CASZ1: variants seen among roughly 807,000 people sequenced by gnomAD.
CASZ1 encodes castor zinc finger 1, also known as zinc finger protein castor homolog 1.
CASZ1 carries 28 observed loss-of-function variants against 135.2 expected under a neutral mutation model. The ratio of observed to expected loss-of-function variants is 0.21; its 90% CI spans 0.15 to 0.28. CASZ1 has a LOEUF of 0.28. CASZ1 is among the 10% of genes least tolerant of loss of function. The pLI is 1.00. For missense variants in CASZ1, 2,161 were observed against 2,453.3 expected, an observed-to-expected ratio of 0.88 and a Z score of 2.52; for synonymous variants, 1,068 against 1,073.4, an observed-to-expected ratio of 0.99 and a Z score of 0.10.
chr1:10,672,203 T>TC (rs1292199385), intron 4 of CASZ1, among the ~76,000 whole-genome samples: 38 of 141,574 alleles, frequency 2.7e-4, no homozygotes, highest in African/African-American at 9.6e-4. Flanking sequence ...TTTAACCTTC[T>TC]CCCCCCTCCC....
Position 10,660,230 on chromosome 1 carries a change from CCCA to C in CASZ1, c.809_811del (p.Val270del). On this transcript the variant is annotated inframe_deletion, in exon 6 of 21. Coordinates refer to ENST00000377022, the MANE Select transcript of CASZ1 (RefSeq NM_001079843.3). ...GGGCAGCCGCAGGCCGGGCAGGGTG[CCCA>C]CCACCTCCTTGCCCACCCGCTCCTC... 6.2e-7 allele frequency: 1 copy of C among 1,612,914 alleles called. No individual in the cohort carries two copies. The highest frequency in any genetic ancestry group is 8.5e-7 in the Non-Finnish European group (1 of 1,179,772).
chr1:10,655,648 C>G lies in CASZ1; in HGVS notation c.1665+1G>C, dbSNP rs1313634737. 6.2e-7 allele frequency: 1 copy of G among 1,611,450 alleles called. No homozygotes were observed. The highest frequency in any genetic ancestry group is 1.3e-5 in the African/African-American group (1 of 74,880). ...CCAGTGGGCCCGGGTGCGGGAGGCA[C>G]CTGCATGCAGTGATAGTGGGTGCTC... On this transcript the variant is annotated splice_donor_variant, in intron 9 of 20. Coordinates refer to ENST00000377022, the MANE Select transcript of CASZ1 (RefSeq NM_001079843.3). LOFTEE classifies it high-confidence loss of function.
At chr1:10,654,629 C>G in intron 9 of CASZ1, 38 bp from the exon 10 acceptor site, 2 of 1,598,574 alleles carry the variant, frequency 1.3e-6, no homozygotes, top group Middle Eastern at 1.7e-4. Flanking sequence ...GAACGGAGGC[C>G]AGGTGCTCCT....
intron 1 of CASZ1, among the ~76,000 whole-genome samples, chr1:10,790,231 G>A (rs867503307): frequency 1.5e-4 from 23 of 152,216 alleles, no homozygotes; most frequent in African/African-American, 5.5e-4. Context: ...CCAACACGGG[G>A]TGCTGGCAAT....
intron 1 of CASZ1, among the ~76,000 whole-genome samples, chr1:10,793,169 T>A (rs780169625): frequency 6.6e-6 from 1 of 152,080 alleles, no homozygotes; most frequent in African/African-American, 2.4e-5. Flanking sequence ...CTGACTTTCT[T>A]ATTTTTTTAA....
intron 4 of CASZ1, among the ~76,000 whole-genome samples, chr1:10,668,252 AC>A (rs1361645014): frequency 6.6e-6 from 1 of 151,726 alleles, no homozygotes; most frequent in African/African-American, 2.4e-5. Context: ...TCCGCCCCCC[AC>A]CCCGCTGTGG....
intron 1 of CASZ1, among the ~76,000 whole-genome samples, chr1:10,786,577 C>T (rs578160206): frequency 4.9e-4 from 75 of 152,340 alleles, no homozygotes; most frequent in African/African-American, 1.5e-3. Context: ...GTGGTCCTAA[C>T]ATTTCACACG....
intron 4 of CASZ1, 113 bp from the exon 5 acceptor site, chr1:10,665,684 T>C (rs1370350066): frequency 2.4e-6 from 3 of 1,263,368 alleles, no homozygotes; most frequent in Non-Finnish European, 3.2e-6. Flanking sequence ...TTGACCACAG[T>C]GCCATCAAAC....
intron 7 of CASZ1, among the ~76,000 whole-genome samples, 182 bp from the exon 8 acceptor site, chr1:10,656,918 G>C (rs1023889868): frequency 7.9e-5 from 12 of 152,174 alleles, no homozygotes; most frequent in African/African-American, 2.7e-4. Context: ...GAGGCAAAGA[G>C]GCCTGGCCCC....
Position 10,666,135 on chromosome 1 carries a change from G to A in CASZ1, c.17-564C>T, listed in dbSNP as rs978840736. On this transcript the variant is annotated intron_variant, in intron 4 of 20. Coordinates refer to ENST00000377022, the MANE Select transcript of CASZ1 (RefSeq NM_001079843.3). The surrounding 1 kb of genome is among the most constrained non-coding windows in gnomAD (Gnocchi z 5.2). ...TCACTGTCCCGGCAGCACTTGGCTG[G>A]CACCCTCCCACCCGAGCACGTCAGC... Among the ~76,000 whole-genome samples, 10 of 152,070 alleles carry A rather than the reference G, an allele frequency of 6.6e-5. No individual in the cohort carries two copies. The highest frequency in any genetic ancestry group is 1.2e-4 in the Non-Finnish European group (8 of 67,998).
rs1640666366 is a variant in CASZ1, at chr1:10,776,668, C to T, written c.-233-15811G>A. 6.6e-6 allele frequency among the ~76,000 whole-genome samples: 1 copy of T among 152,192 alleles called. No homozygotes were observed. Among genetic ancestry groups the T allele is most frequent in the South Asian group, 2.1e-4 (1 of 4,822 alleles). The stretch of plus-strand genomic sequence containing the variant: ...CTGGGAGTCCTGGGGAAACTGGCAT[C>T]TCTGGTTTGACAGGTTGTGGGAGAG... On this transcript the variant is annotated intron_variant, in intron 1 of 20. Transcript: ENST00000377022. This position sits in a 1 kb window ranked among gnomAD's most constrained non-coding sequence, Gnocchi z 4.1.
rs1207099268 is a variant in CASZ1, at chr1:10,694,175, G to A, written c.-23-263C>T. On this transcript the variant is annotated intron_variant, in intron 3 of 20. Coordinates refer to ENST00000377022, the MANE Select transcript of CASZ1 (RefSeq NM_001079843.3). The surrounding 1 kb of genome is among the most constrained non-coding windows in gnomAD (Gnocchi z 6.6). The stretch of plus-strand genomic sequence containing the variant: ...TCGGCCGGCGCGGCCCCGGCTTGGG[G>A]GCCCTGGCCGGGGGATCCGCGAGGC... 2.3e-5 allele frequency: 7 copies of A among 298,342 alleles called. No individual in the cohort carries two copies. The highest frequency in any genetic ancestry group is 3.7e-5 in the Non-Finnish European group (7 of 191,268). The allele number at this position is 298,342 out of a possible 1,614,324, so 18.5% of individuals were successfully genotyped here.
intron 1 of CASZ1, among the ~76,000 whole-genome samples, chr1:10,761,471 TA>T (rs370980303): frequency 8.5e-5 from 13 of 152,056 alleles, no homozygotes; most frequent in African/African-American, 3.1e-4. Flanking sequence ...CTCAATTTCA[TA>T]AAAAGAAAAG....
intron 2 of CASZ1, among the ~76,000 whole-genome samples, chr1:10,732,123 G>C (rs959653812): frequency 6.6e-6 from 1 of 151,752 alleles, no homozygotes; most frequent in African/African-American, 2.4e-5. Flanking sequence ...TCAGGAGTTC[G>C]AGACCAGCCT....
intron 1 of CASZ1, among the ~76,000 whole-genome samples, chr1:10,769,976 A>G (rs1369731893): frequency 6.6e-6 from 1 of 152,224 alleles, no homozygotes; most frequent in Non-Finnish European, 1.5e-5. Context: ...TAACTTATTC[A>G]AGGTGATACT....
chr1:10,639,692 G>A lies in CASZ1; in HGVS notation c.4530C>T (p.Gly1510=). Residue 1510 remains glycine (G), a synonymous_variant, in exon 21 of 21, where the codon GGC becomes GGT. Coordinates refer to ENST00000377022, the MANE Select transcript of CASZ1 (RefSeq NM_001079843.3). The surrounding 1 kb of genome is among the most constrained non-coding windows in gnomAD (Gnocchi z 4.0). ...GCAGGCAGTGGAAGTGCGTGCTGGT[G>A]CCCGAGAAGGGGCAGTCGGCGAAGT... The part of the protein sequence containing the change: ...SCHFADCPFS[G]TSTHFHCLRC... 6.3e-7 allele frequency: 1 copy of A among 1,597,452 alleles called. No individual in the cohort carries two copies. Among genetic ancestry groups the A allele is most frequent in the Non-Finnish European group, 8.5e-7 (1 of 1,173,480 alleles).
chr1:10,715,752 G>A (rs1183809417), intron 2 of CASZ1, among the ~76,000 whole-genome samples: 1 of 109,756 alleles, frequency 9.1e-6, no homozygotes. Flanking sequence ...GCTCCCCACA[G>A]CACCCAATCC....
At chr1:10,796,459 G>C (rs2387418) in intron 1 of CASZ1, 105 bp downstream of exon 1, 34 of 127,724 alleles carry the variant, frequency 2.7e-4, no homozygotes, top group African/African-American at 8.7e-4. Context: ...CCGGGGGTGG[G>C]GGGGGTGCAC....
At position 10,711,335 on chromosome 1, in the gene CASZ1, A is replaced by G. The variant is rs1008346846; in HGVS notation, c.-76-5791T>C. ...ATTCAGTATTTCTTGGGCACCTACT[A>G]CATGCTATTAGATCCTTGTCCTAGA... On this transcript the variant is annotated intron_variant, in intron 2 of 20. Coordinates refer to ENST00000377022, the MANE Select transcript of CASZ1 (RefSeq NM_001079843.3). The surrounding 1 kb of genome is among the most constrained non-coding windows in gnomAD (Gnocchi z 4.4). 5.9e-5 allele frequency among the ~76,000 whole-genome samples: 9 copies of G among 152,188 alleles called. No individual in the cohort carries two copies. The highest frequency in any genetic ancestry group is 1.2e-4 in the Non-Finnish European group (8 of 68,026).
Sources: gnomAD v4.1 joint callset for allele counts (sites outside exome capture counted in the v4.1 genomes callset) on GRCh38, gnomAD v4.1.1 for gene constraint, Gnocchi (gnomAD v3.1) non-coding constraint, MANE v1.5 for transcripts, NCBI Gene and HGNC (gene_info 2026-07-23, HGNC 2026-07-21) for gene names.